RC3H2: variants seen among roughly 807,000 people sequenced by gnomAD.
RC3H2 encodes roquin-2.
In RC3H2, 31 loss-of-function variants were observed where a neutral mutation model predicts 133.3. That is an observed-to-expected ratio of 0.23 (90% CI 0.17 to 0.31). The LOEUF is 0.31. Ranked by LOEUF, RC3H2 falls within the 10% of genes least tolerant of loss-of-function variation. RC3H2 has a pLI of 1.00. For synonymous variants in RC3H2, 517 were observed against 502.2 expected (o/e 1.03, Z -0.40); for missense variants, 1,175 against 1,437.2 (o/e 0.82, Z 2.95).
chr9:122,903,289 C>T (rs1832726742), intron 1 of RC3H2, among the ~76,000 whole-genome samples: 1 of 152,152 alleles, frequency 6.6e-6, no homozygotes, highest in Admixed American at 6.5e-5. Flanking sequence ...CTTTTTCCAT[C>T]ACTAAAAAGT....
At chr9:122,885,158 C>G (rs1166763435) in intron 4 of RC3H2, among the ~76,000 whole-genome samples, 1 of 151,968 alleles carries the variant, frequency 6.6e-6, no homozygotes, top group Non-Finnish European at 1.5e-5. Context: ...AGACAGTATC[C>G]TTGTTTTTAG....
chr9:122,898,317 T>A (rs544719771), intron 1 of RC3H2, among the ~76,000 whole-genome samples: 5 of 152,300 alleles, frequency 3.3e-5, no homozygotes, highest in Admixed American at 3.3e-4. Flanking sequence ...GCGATTGATA[T>A]ATATAACCAA....
At chr9:122,883,079 G>A (rs1262319009) in intron 5 of RC3H2, 125 bp downstream of exon 5, 3 of 859,892 alleles carry the variant, frequency 3.5e-6, no homozygotes, top group African/African-American at 3.5e-5. Context: ...AATGCAGAAG[G>A]AAAGTTTCCT....
In RC3H2 at chr9:122,880,640, T is replaced by C. The variant is rs777326769; in HGVS notation, c.914A>G (p.Tyr305Cys). 1.2e-6 allele frequency: 2 copies of C among 1,614,126 alleles called. No individual in the cohort carries two copies. Among genetic ancestry groups the C allele is most frequent in the Non-Finnish European group, 1.7e-6 (2 of 1,180,010 alleles). ...ISPEQWSSLL[Y>C]GDLAHKSHMQ... ...GTGTGATTTATGAGCCAAATCACCA[T>C]ACAAAAGAGAGGACCACTGTTCAGG... Residue 305 changes from tyrosine to cysteine, a missense_variant, in exon 6 of 21, where the codon TAT (tyrosine) becomes TGT (cysteine). By Grantham distance (194) the Tyr-to-Cys change is radical (BLOSUM62 -2). Around this residue, in one of 8 missense-constraint regions of RC3H2, gnomAD observed 131 missense variants for 154.2 expected, o/e 0.85. Coordinates refer to ENST00000357244, the MANE Select transcript of RC3H2 (RefSeq NM_001100588.3).
At chr9:122,902,927 A>G (rs1358433912) in intron 1 of RC3H2, among the ~76,000 whole-genome samples, 9 of 152,104 alleles carry the variant, frequency 5.9e-5, no homozygotes, top group Non-Finnish European at 1.0e-4. Context: ...TATACAAAAT[A>G]TCATTTCAAC....
At chr9:122,859,252 C>CTTTTTTTTGTTTTTT (rs1830367993) in intron 11 of RC3H2, 150 bp from the exon 12 acceptor site, 1 of 179,744 alleles carries the variant, frequency 5.6e-6, no homozygotes, top group African/African-American at 4.9e-5. Context: ...TATACCCTGG[C>CTTTTTTTTGTTTTTT]TTTTTTTTTT....
rs1162370858 is a variant in RC3H2, at chr9:122,905,296, TCCTC to T, written c.-258_-255del. ...CGAAGGCCGCGACGGGGCCTCCTCCTCCTCCCTCCACCTCCGCCTCCTCCTCCTC... is the reference window on the plus strand; with the variant it reads ...CGAAGGCCGCGACGGGGCCTCCTCCTCCTCCACCTCCGCCTCCTCCTCCTC... On this transcript the variant is annotated 5_prime_UTR_variant, in exon 1 of 21. Transcript: ENST00000357244. The T allele has an allele frequency of 2.0e-6, 2 of 985,480 alleles. No individual in the cohort carries two copies. Among genetic ancestry groups the T allele is most frequent in the South Asian group, 9.4e-5 (2 of 21,298 alleles). 61.0% of individuals were successfully genotyped at this position (985,480 alleles called of 1,614,324 possible). A position where few individuals can be genotyped will look rare whatever the true frequency, so the allele number is the denominator to read the frequency against.
chr9:122,896,733 C>CATAAGATG lies in RC3H2; in HGVS notation c.231+538_231+545dup, dbSNP rs368919447. ...ATTGCAGTTTTTGCCATTAAAGCCA[C>CATAAGATG]ATAAGATGGCTGGGTGCAGTGGCTC... is the stretch of plus-strand genomic sequence containing the variant. On this transcript the variant is annotated intron_variant, in intron 2 of 20. Coordinates refer to ENST00000357244, the MANE Select transcript of RC3H2 (RefSeq NM_001100588.3). Among the ~76,000 whole-genome samples, 1,402 of 152,114 alleles carry CATAAGATG rather than the reference C, an allele frequency of 9.2e-3. 25 individuals are homozygous for CATAAGATG. Among genetic ancestry groups the CATAAGATG allele is most frequent in the African/African-American group, 0.032 (1,334 of 41,488 alleles).
At chr9:122,892,837 C>T in intron 3 of RC3H2, 72 bp downstream of exon 3, 1 of 1,148,996 alleles carries the variant, frequency 8.7e-7, no homozygotes. Flanking sequence ...ATAGGGTATC[C>T]ACATCAAGTC....
chr9:122,867,170 C>A (rs1262598072), intron 9 of RC3H2, among the ~76,000 whole-genome samples: 1 of 130,346 alleles, frequency 7.7e-6, no homozygotes, highest in Non-Finnish European at 1.7e-5. Flanking sequence ...CGCCCGGCAG[C>A]CGGCCCATCT....
intron 8 of RC3H2, among the ~76,000 whole-genome samples, chr9:122,878,342 C>T (rs1480167144): frequency 6.6e-6 from 1 of 152,046 alleles, no homozygotes; most frequent in Non-Finnish European, 1.5e-5. Context: ...TCTCAGCTCA[C>T]TGCAAGCTCC....
intron 3 of RC3H2, 31 bp from the exon 4 acceptor site, chr9:122,890,576 A>C: frequency 1.3e-6 from 2 of 1,530,318 alleles, no homozygotes; most frequent in Non-Finnish European, 8.9e-7. Context: ...AGGGAGCTAA[A>C]GTTTTTTCAA....
chr9:122,881,457 C>CAAA (rs11321863), intron 5 of RC3H2, among the ~76,000 whole-genome samples: 4 of 85,328 alleles, frequency 4.7e-5, no homozygotes, highest in South Asian at 4.0e-4. Flanking sequence ...GACTCCGTCT[C>CAAA]AAAAAAAAAA....
rs377490235 is a variant in RC3H2, at chr9:122,851,457, GCTCTCCCTCTCC to G, written c.3118-33_3118-22del. The stretch of plus-strand genomic sequence containing the variant: ...TGTAACTAAGAAAAATACTGATTTT[GCTCTCCCTCTCC>G]CTCTCCCTCTCCCCATGGTCTCCCT... On this transcript the variant is annotated intron_variant, in intron 18 of 20. Coordinates refer to ENST00000357244, the MANE Select transcript of RC3H2 (RefSeq NM_001100588.3). 1.4e-5 allele frequency: 22 copies of G among 1,611,474 alleles called. No individual in the cohort carries two copies. The East Asian group carries it at 1.8e-4, about 13-fold the overall frequency.
chr9:122,865,686 G>A (rs373492115), intron 9 of RC3H2, 29 bp from the exon 10 acceptor site: 7 of 1,582,028 alleles, frequency 4.4e-6, no homozygotes, highest in South Asian at 3.3e-5. Context: ...ACAGATTGGT[G>A]AATATTTCAC....
rs1830158689 is a variant in RC3H2 at position 122,854,203 on chromosome 9, C to T, written c.2964G>A (p.Leu988=). 3 of 1,613,888 alleles carry T rather than the reference C, an allele frequency of 1.9e-6. No individual in the cohort carries two copies. The East Asian group carries it at 6.7e-5, about 36-fold the overall frequency. The change falls in exon 17 of 21, where the codon TTG becomes TTA. Residue 988 remains leucine, a synonymous_variant. Coordinates refer to ENST00000357244, the MANE Select transcript of RC3H2 (RefSeq NM_001100588.3). Reference sequence around the variant, plus strand: ...AGCCTACCTGCTGAAGTTCAAGGCTCAAAAGGTCCCCAGTACTGGAATGCT... The same window carrying T: ...AGCCTACCTGCTGAAGTTCAAGGCTTAAAAGGTCCCCAGTACTGGAATGCT... ...HRKHSSTGDL[L]SLELQQAKSN...
intron 18 of RC3H2, among the ~76,000 whole-genome samples, chr9:122,853,245 G>T (rs988507790): frequency 2.0e-5 from 3 of 151,528 alleles, no homozygotes; most frequent in Non-Finnish European, 4.4e-5. Context: ...CAAACGCTGC[G>T]GAAGGCCGCA....
chr9:122,881,010 AGC>A lies in RC3H2; in HGVS notation c.760-218_760-217del, dbSNP rs1257401692. Among the ~76,000 whole-genome samples the A allele has an allele frequency of 7.2e-5, 11 of 152,372 alleles. No homozygotes were observed. In the South Asian group the frequency reaches 2.1e-3, roughly 29 times the overall value. ...CATAATCCTTGCCTTCAATGATTTCAGCCACTAGTAAGAAAGAGAAACTTGTA... is the reference window on the plus strand; with the variant it reads ...CATAATCCTTGCCTTCAATGATTTCACACTAGTAAGAAAGAGAAACTTGTA... On this transcript the variant is annotated intron_variant, in intron 5 of 20. Coordinates refer to ENST00000357244, the MANE Select transcript of RC3H2 (RefSeq NM_001100588.3).
intron 9 of RC3H2, among the ~76,000 whole-genome samples, chr9:122,868,094 A>T (rs1183904026): frequency 7.1e-6 from 1 of 140,406 alleles, no homozygotes; most frequent in Non-Finnish European, 1.6e-5. Flanking sequence ...CCGCCCGGCC[A>T]GCCACCCCGT....
Sources: gnomAD v4.1 joint callset for allele counts (sites outside exome capture counted in the v4.1 genomes callset) on GRCh38, gnomAD v4.1.1 for gene constraint, gnomAD v4.1.1 regional missense constraint, MANE v1.5 for transcripts, NCBI Gene and HGNC (gene_info 2026-07-23, HGNC 2026-07-21) for gene names.